Variants in MIOS observed in about 807,000 individuals in gnomAD.
The protein encoded by MIOS is meiosis regulator for oocyte development.
In MIOS, 52 loss-of-function variants were observed where a neutral mutation model predicts 96.9. The observed-to-expected ratio is 0.54, with a 90% CI of 0.43 to 0.68. The LOEUF (loss-of-function observed/expected upper bound fraction) is 0.68, where lower values mean the gene tolerates loss of function less well. MIOS is among the 30% of genes least tolerant of loss of function. MIOS has a pLI of 0.00. For synonymous variants in MIOS, 397 were observed against 359.5 expected (o/e 1.10, Z -1.18); for missense variants, 1,005 against 1,052.8 (o/e 0.95, Z 0.63).
At position 7,572,987 on chromosome 7, in the gene MIOS, C is replaced by A; in HGVS notation, c.512C>A (p.Thr171Lys). 1 of 1,614,064 alleles carries A rather than the reference C, an allele frequency of 6.2e-7. No individual in the cohort carries two copies. The highest frequency in any genetic ancestry group is 8.5e-7 in the Non-Finnish European group (1 of 1,179,966). The change falls in exon 4 of 13, where the codon ACA (threonine) becomes AAA (lysine). Residue 171 changes from threonine (T) to lysine (K), a missense_variant. By Grantham distance (78) the Thr-to-Lys change is moderately conservative (BLOSUM62 -1). Around this residue, in one of 3 missense-constraint regions of MIOS, gnomAD observed 865 missense variants for 887.9 expected, o/e 0.97. Transcript: ENST00000340080. This position sits in a 1 kb window ranked among gnomAD's most constrained non-coding sequence, Gnocchi z 4.8. ...VKLSAGETETTLLVTKPLYEL... is the reference protein window; with the variant it reads ...VKLSAGETETKLLVTKPLYEL... ...CTTTCAGCAGGTGAAACTGAAACAACATTATTAGTAACAAAACCACTTTAT... is the reference window on the plus strand; with the variant it reads ...CTTTCAGCAGGTGAAACTGAAACAAAATTATTAGTAACAAAACCACTTTAT...
chr7:7,585,686 GAGA>G lies in MIOS; in HGVS notation c.1704_1706del (p.Lys568del). ...AATGGCTTTATCGGGTTATACGGATGAGAAGAACTCCCTTTGGAGAGAAATGTG... is the reference window on the plus strand; with the variant it reads ...AATGGCTTTATCGGGTTATACGGATGAGAACTCCCTTTGGAGAGAAATGTG... On this transcript the variant is annotated inframe_deletion, in exon 7 of 13. Coordinates refer to ENST00000340080, the MANE Select transcript of MIOS (RefSeq NM_019005.4). 2 of 1,609,110 alleles carry G rather than the reference GAGA, an allele frequency of 1.2e-6. No homozygotes were observed. Among genetic ancestry groups the G allele is most frequent in the Non-Finnish European group, 8.5e-7 (1 of 1,177,862 alleles).
chr7:7,602,732 A>G (rs1451366523), intron 11 of MIOS, among the ~76,000 whole-genome samples: 1 of 152,100 alleles, frequency 6.6e-6, no homozygotes, highest in African/African-American at 2.4e-5. Flanking sequence ...TAAAGTTCAT[A>G]TGGAACCAAA....
In MIOS at chr7:7,608,139, G is replaced by C. The variant is rs1229081049; in HGVS notation, c.*1047G>C. On this transcript the variant is annotated 3_prime_UTR_variant, in exon 13 of 13. Transcript: ENST00000340080. The stretch of plus-strand genomic sequence containing the variant: ...GTTTTTAAATGTAAGTGTTACTGGG[G>C]CTAAGTCAGGTACTTTATTTAAAAC... The C allele has an allele frequency of 7.3e-6, 1 of 136,872 alleles. No individual in the cohort carries two copies. The highest frequency in any genetic ancestry group is 1.6e-5 in the Non-Finnish European group (1 of 64,022). The allele number at this position is 136,872 out of a possible 1,614,324, so 8.5% of individuals were successfully genotyped here. A position where few individuals can be genotyped will look rare whatever the true frequency, so the allele number is the denominator to read the frequency against.
At chr7:7,575,880 T>A (rs1415335696) in intron 5 of MIOS, among the ~76,000 whole-genome samples, 1 of 141,014 alleles carries the variant, frequency 7.1e-6, no homozygotes, top group East Asian at 2.0e-4. Flanking sequence ...GGTTTTCAGC[T>A]TTTTTTTTTT....
chr7:7,573,502 C>T lies in MIOS; in HGVS notation c.1027C>T (p.Pro343Ser), dbSNP rs369245550. The part of the protein sequence containing the change: ...TSQNRMIVVT[P>S]NRTMSDFTVF... Reference sequence around the variant, plus strand: ...TCAAAATCGAATGATAGTTGTAACTCCCAACCGAACAATGTCAGACTTCAC... The same window carrying T: ...TCAAAATCGAATGATAGTTGTAACTTCCAACCGAACAATGTCAGACTTCAC... The change falls in exon 4 of 13, where the codon CCC becomes TCC. Residue 343 changes from proline (P) to serine (S), a missense_variant. Physicochemically the swap from Pro to Ser is moderately conservative, Grantham distance 74. Transcript: ENST00000340080. The surrounding 1 kb of genome is among the most constrained non-coding windows in gnomAD (Gnocchi z 5.0). 2 of 1,614,122 alleles carry T rather than the reference C, an allele frequency of 1.2e-6. No individual in the cohort carries two copies. Among genetic ancestry groups the T allele is most frequent in the Admixed American group, 1.7e-5 (1 of 60,028 alleles).
intron 10 of MIOS, among the ~76,000 whole-genome samples, chr7:7,595,829 A>G (rs1177795483): frequency 6.6e-6 from 1 of 152,228 alleles, no homozygotes; most frequent in East Asian, 1.9e-4. Flanking sequence ...TAAAAATTTA[A>G]CTATTTACCA....
At chr7:7,567,495 T>C (rs1466445708) in intron 1 of MIOS, 112 bp from the exon 2 acceptor site, 1 of 152,258 alleles carries the variant, frequency 6.6e-6, no homozygotes, top group African/African-American at 2.4e-5. Flanking sequence ...GTGAGCTCTG[T>C]TCTCTTCTCA....
At chr7:7,588,363 T>C (rs6463702) in intron 7 of MIOS, 135 bp from the exon 8 acceptor site, 421,009 of 451,716 alleles carry the variant, frequency 0.93, 198,208 homozygotes, top group East Asian at 0.99. Flanking sequence ...TTAATGGCTC[T>C]GCAAGATAAA....
intron 11 of MIOS, among the ~76,000 whole-genome samples, chr7:7,601,049 C>G (rs1784361273): frequency 7.8e-6 from 1 of 127,654 alleles, no homozygotes; most frequent in South Asian, 3.0e-4. Flanking sequence ...ACCAGAATCT[C>G]TGGGACACAT....
At position 7,585,858 on chromosome 7, in the gene MIOS, A is replaced by G; in HGVS notation, c.1818+53A>G. 5.7e-6 allele frequency: 8 copies of G among 1,404,676 alleles called. No individual in the cohort carries two copies. In the South Asian group the frequency reaches 1.0e-4, roughly 18 times the overall value. The allele number at this position is 1,404,676 out of a possible 1,614,324, so 87.0% of individuals were successfully genotyped here. A position where few individuals can be genotyped will look rare whatever the true frequency, so the allele number is the denominator to read the frequency against. ...CCTTTGAATTAAGATAGGAGTTTTT[A>G]TCTAACTTTATTAAAATTTTCAAAT... On this transcript the variant is annotated intron_variant, in intron 7 of 12. Coordinates refer to ENST00000340080, the MANE Select transcript of MIOS (RefSeq NM_019005.4).
At chr7:7,603,810 G>C (rs1363899480) in intron 11 of MIOS, among the ~76,000 whole-genome samples, 2 of 151,792 alleles carry the variant, frequency 1.3e-5, no homozygotes, top group East Asian at 3.9e-4. Context: ...TTGGAACCAA[G>C]CCAGATATCC....
chr7:7,607,213 A>T lies in MIOS; in HGVS notation c.*121A>T. The stretch of plus-strand genomic sequence containing the variant: ...CTTACCTGTAATGGGAAAATAAATC[A>T]TTCTATCAGATCAGCAGTTTTGATG... On this transcript the variant is annotated 3_prime_UTR_variant, in exon 13 of 13. Transcript: ENST00000340080. 1.5e-6 allele frequency: 1 copy of T among 660,978 alleles called. No homozygotes were observed. Among genetic ancestry groups the T allele is most frequent in the South Asian group, 2.1e-5 (1 of 48,202 alleles). 40.9% of individuals were successfully genotyped at this position (660,978 alleles called of 1,614,324 possible). A position where few individuals can be genotyped will look rare whatever the true frequency, so the allele number is the denominator to read the frequency against.
chr7:7,596,921 G>A (rs1346420829), intron 11 of MIOS, among the ~76,000 whole-genome samples: 1 of 152,186 alleles, frequency 6.6e-6, no homozygotes, highest in East Asian at 1.9e-4. Flanking sequence ...AGGGTCAGTT[G>A]CAGTGGCTCA....
At chr7:7,569,252 C>T (rs184081802) in intron 3 of MIOS, among the ~76,000 whole-genome samples, 1 of 152,278 alleles carries the variant, frequency 6.6e-6, no homozygotes, top group African/African-American at 2.4e-5. Context: ...TCTTCCTCCT[C>T]ATTCTTAAAT....
intron 11 of MIOS, among the ~76,000 whole-genome samples, chr7:7,597,514 AT>A (rs1563041146): frequency 0.06 from 2,982 of 49,484 alleles, 751 homozygotes; most frequent in Middle Eastern, 0.09. Flanking sequence ...ATATATATAT[AT>A]ATGAAGGCAA....
chr7:7,597,500 ATATATATATAT>A (rs1563040991), intron 11 of MIOS, among the ~76,000 whole-genome samples: 2 of 71,698 alleles, frequency 2.8e-5, no homozygotes, highest in African/African-American at 1.1e-4. Context: ...ATATATATAT[ATATATATATAT>A]ATATATGAAG....
chr7:7,568,489 A>T (rs1168876562), intron 3 of MIOS, among the ~76,000 whole-genome samples: 2 of 152,200 alleles, frequency 1.3e-5, no homozygotes, highest in Non-Finnish European at 2.9e-5. Flanking sequence ...GGTGAAAAAA[A>T]ATACACTTCT....
Position 7,595,205 on chromosome 7 carries a change from A to G in MIOS, c.2196+73A>G, listed in dbSNP as rs1784169416. Reference sequence around the variant, plus strand: ...CAATTTAATAAGTTACTATTAGCTCATTATTTTGCTTATATTGAGTTCCCA... The same window carrying G: ...CAATTTAATAAGTTACTATTAGCTCGTTATTTTGCTTATATTGAGTTCCCA... On this transcript the variant is annotated intron_variant, in intron 10 of 12. Coordinates refer to ENST00000340080, the MANE Select transcript of MIOS (RefSeq NM_019005.4). 2.0e-6 allele frequency: 3 copies of G among 1,497,440 alleles called. No individual in the cohort carries two copies. In the African/African-American group the frequency reaches 4.2e-5, roughly 21 times the overall value. The allele number at this position is 1,497,440 out of a possible 1,614,324, so 92.8% of individuals were successfully genotyped here.
chr7:7,569,604 T>C (rs556817970), intron 3 of MIOS, among the ~76,000 whole-genome samples: 1 of 152,234 alleles, frequency 6.6e-6, no homozygotes, highest in Non-Finnish European at 1.5e-5. Flanking sequence ...TGCCTAGCAC[T>C]GTACTGGGGA....
Sources: gnomAD v4.1 joint callset for allele counts (sites outside exome capture counted in the v4.1 genomes callset) on GRCh38, gnomAD v4.1.1 for gene constraint, gnomAD v4.1.1 regional missense constraint, Gnocchi (gnomAD v3.1) non-coding constraint, MANE v1.5 for transcripts, NCBI Gene and HGNC (gene_info 2026-07-23, HGNC 2026-07-21) for gene names.